The following SEMA7A variants were observed in gnomAD, a reference collection of about 807,000 sequenced individuals.
The protein encoded by SEMA7A is semaphorin 7A (JohnMiltonHagen blood group).
SEMA7A carries 21 observed loss-of-function variants against 67.5 expected under a neutral mutation model. The ratio of observed to expected loss-of-function variants is 0.31; its 90% CI spans 0.22 to 0.45. The LOEUF is 0.45. SEMA7A is among the 20% of genes least tolerant of loss of function. The probability of loss-of-function intolerance (pLI) is 1.00; values close to 1 mark genes in which losing one functional copy is unlikely to be tolerated. For synonymous variants in SEMA7A, 364 were observed against 368.5 expected (o/e 0.99, Z 0.14); for missense variants, 774 against 908.6 (o/e 0.85, Z 1.90).
Position 74,417,421 on chromosome 15 carries a change from C to G in SEMA7A, c.575G>C (p.Arg192Pro), listed in dbSNP as rs778351405. 6.2e-7 allele frequency: 1 copy of G among 1,613,986 alleles called. No homozygotes were observed. Among genetic ancestry groups the G allele is most frequent in the Non-Finnish European group, 8.5e-7 (1 of 1,179,998 alleles). The change falls in exon 6 of 14, where the codon CGG becomes CCG. Residue 192 changes from arginine to proline, a missense_variant. This residue lies in a region of SEMA7A where 347 missense variants were observed against 353.2 expected (regional missense o/e 0.98). Coordinates refer to ENST00000261918, the MANE Select transcript of SEMA7A (RefSeq NM_003612.5). ...FEGDEVYSTI[R>P]KQEYNGKIPR... ...GATCTTCCCATTGTATTCCTGCTTC[C>G]GGATGGTGGAATACACCTCGTCCCC...
chr15:74,416,492 G>T, intron 7 of SEMA7A, 83 bp downstream of exon 7: 1 of 1,445,122 alleles, frequency 6.9e-7, no homozygotes, highest in Non-Finnish European at 9.5e-7. Context: ...ACTTCTACAT[G>T]CACACGGACA....
Position 74,411,239 on chromosome 15 carries a change from G to A in SEMA7A, c.1639+56C>T, listed in dbSNP as rs1291277313. 2 of 1,561,828 alleles carry A rather than the reference G, an allele frequency of 1.3e-6. No homozygotes were observed. Among genetic ancestry groups the A allele is most frequent in the Non-Finnish European group, 1.8e-6 (2 of 1,139,258 alleles). Reference sequence around the variant, plus strand: ...TCTCCCTCAGACCAGGACAATCAGGGCAGGGCAGTACCCCACTCATTGGGC... The same window carrying A: ...TCTCCCTCAGACCAGGACAATCAGGACAGGGCAGTACCCCACTCATTGGGC... On this transcript the variant is annotated intron_variant, in intron 13 of 13. Coordinates refer to ENST00000261918, the MANE Select transcript of SEMA7A (RefSeq NM_003612.5). This position sits in a 1 kb window ranked among gnomAD's most constrained non-coding sequence, Gnocchi z 4.4.
chr15:74,418,021 G>A lies in SEMA7A; in HGVS notation c.373-52C>T, dbSNP rs761252533. ...GAGAAATTGGTTGCTGGAAGGCCCT[G>A]GCAAGCCTAGCACTAGGACCCCCAG... On this transcript the variant is annotated intron_variant, in intron 3 of 13. Transcript: ENST00000261918. 3.8e-6 allele frequency: 6 copies of A among 1,581,964 alleles called. No homozygotes were observed. In the East Asian group the frequency reaches 1.1e-4, roughly 29 times the overall value.
In SEMA7A at chr15:74,417,582, C is replaced by T. The variant is rs768214730; in HGVS notation, c.550+9G>A. ...TCCCCCTGGGGCGCCTGCTCCAGCA[C>T]TGCCCTACCTTCAAACAGAACCAGG... On this transcript the variant is annotated intron_variant, in intron 5 of 13. Coordinates refer to ENST00000261918, the MANE Select transcript of SEMA7A (RefSeq NM_003612.5). 1 of 1,611,182 alleles carries T rather than the reference C, an allele frequency of 6.2e-7. No homozygotes were observed. Among genetic ancestry groups the T allele is most frequent in the South Asian group, 1.1e-5 (1 of 90,870 alleles).
At chr15:74,431,126 T>G (rs913983694) in intron 1 of SEMA7A, among the ~76,000 whole-genome samples, 1 of 152,180 alleles carries the variant, frequency 6.6e-6, no homozygotes, top group African/African-American at 2.4e-5. Flanking sequence ...TCACCTGCAA[T>G]CTACTCCCTT....
chr15:74,417,063 G>C (rs2141277060), intron 6 of SEMA7A, among the ~76,000 whole-genome samples: 1 of 152,244 alleles, frequency 6.6e-6, no homozygotes, highest in African/African-American at 2.4e-5. Flanking sequence ...ACTCAGCAGA[G>C]GATAAACTTT....
chr15:74,428,929 C>G (rs12903353), intron 1 of SEMA7A, among the ~76,000 whole-genome samples: 48,136 of 152,194 alleles, frequency 0.32, 10,292 homozygotes, highest in Non-Finnish European at 0.49. Flanking sequence ...CAGGGCCCAA[C>G]AAGGTGCCGT....
At chr15:74,422,602 T>C (rs2061009303) in intron 1 of SEMA7A, among the ~76,000 whole-genome samples, 2 of 152,202 alleles carry the variant, frequency 1.3e-5, no homozygotes, top group South Asian at 2.1e-4. Context: ...AAGGCCCAGC[T>C]CCGGCCAGAT....
At chr15:74,427,438 C>A (rs2061052530) in intron 1 of SEMA7A, 1 of 953,600 alleles carries the variant, frequency 1.0e-6, no homozygotes. Flanking sequence ...GGCCAGAGCT[C>A]CTGCCTCAGC....
At chr15:74,427,141 T>C (rs1268304246) in intron 1 of SEMA7A, 2 of 882,950 alleles carry the variant, frequency 2.3e-6, no homozygotes, top group Non-Finnish European at 1.4e-6. Flanking sequence ...CAGCCCTCAC[T>C]GCCCGTACCT....
chr15:74,414,845 G>A lies in SEMA7A; in HGVS notation c.1088C>T (p.Pro363Leu). ...GYHSSLPNPR[P>L]GKCLPDQQPI... The stretch of plus-strand genomic sequence containing the variant: ...GGCTGGTGTCACGCTCACCTTGCCA[G>A]GCCGCGGGTTGGGAAGGCTTGAGTG... Residue 363 changes from proline to leucine, a missense_variant, in exon 9 of 14, where the codon CCT becomes CTT. Pro to Leu is a moderately conservative substitution (Grantham distance 98). Coordinates refer to ENST00000261918, the MANE Select transcript of SEMA7A (RefSeq NM_003612.5). This position sits in a 1 kb window ranked among gnomAD's most constrained non-coding sequence, Gnocchi z 4.1. 2 of 1,614,214 alleles carry A rather than the reference G, an allele frequency of 1.2e-6. No individual in the cohort carries two copies. The highest frequency in any genetic ancestry group is 1.7e-6 in the Non-Finnish European group (2 of 1,180,026).
chr15:74,423,338 C>T lies in SEMA7A; in HGVS notation c.179-4386G>A. On this transcript the variant is annotated intron_variant, in intron 1 of 13. Transcript: ENST00000261918. The surrounding 1 kb of genome is among the most constrained non-coding windows in gnomAD (Gnocchi z 4.1). ...CTGCAGCCTCTCCACCCTTTGGAATCCCACATCCACATGTCAAGGTGGAAG... is the reference window on the plus strand; with the variant it reads ...CTGCAGCCTCTCCACCCTTTGGAATTCCACATCCACATGTCAAGGTGGAAG... 6.6e-6 allele frequency among the ~76,000 whole-genome samples: 1 copy of T among 152,204 alleles called. No homozygotes were observed. The highest frequency in any genetic ancestry group is 1.5e-5 in the Non-Finnish European group (1 of 68,048).
intron 2 of SEMA7A, among the ~76,000 whole-genome samples, 169 bp from the exon 3 acceptor site, chr15:74,418,478 G>A (rs1300519572): frequency 6.6e-6 from 1 of 152,174 alleles, no homozygotes; most frequent in Non-Finnish European, 1.5e-5. Context: ...GGTCAAACAG[G>A]GTCTCATATC....
In SEMA7A at chr15:74,414,691, G is replaced by A; in HGVS notation, c.1150C>T (p.His384Tyr). Reference protein sequence around the residue: ...PTETFQVADRHPEVAQRVEPM... With the variant: ...PTETFQVADRYPEVAQRVEPM... ...TCCACCCTCTGCGCCACCTCTGGGTGACGGTCAGCCACCTGGAAGGTCTCT... is the reference window on the plus strand; with the variant it reads ...TCCACCCTCTGCGCCACCTCTGGGTAACGGTCAGCCACCTGGAAGGTCTCT... Residue 384 changes from histidine to tyrosine, a missense_variant, in exon 10 of 14, where the codon CAC (histidine) becomes TAC (tyrosine). This residue lies in a region of SEMA7A where 427 missense variants were observed against 555.4 expected (regional missense o/e 0.77). Transcript: ENST00000261918. This position sits in a 1 kb window ranked among gnomAD's most constrained non-coding sequence, Gnocchi z 4.1. 1 of 1,614,156 alleles carries A rather than the reference G, an allele frequency of 6.2e-7. No homozygotes were observed. The highest frequency in any genetic ancestry group is 8.5e-7 in the Non-Finnish European group (1 of 1,180,034).
rs141790734 is a variant in SEMA7A, at chr15:74,424,754, G to C, written c.179-5802C>G. Among the ~76,000 whole-genome samples the C allele has an allele frequency of 9.2e-5, 14 of 152,296 alleles. No individual in the cohort carries two copies. In the East Asian group the frequency reaches 2.7e-3, roughly 29 times the overall value. Reference sequence around the variant, plus strand: ...CTGGCACTGAGGCCCAGCTGGAGTGGGTAAGATGCCCTGAGCCCACGCCCA... The same window carrying C: ...CTGGCACTGAGGCCCAGCTGGAGTGCGTAAGATGCCCTGAGCCCACGCCCA... On this transcript the variant is annotated intron_variant, in intron 1 of 13. Transcript: ENST00000261918.
chr15:74,418,051 A>G (rs2060967586), intron 3 of SEMA7A, 82 bp from the exon 4 acceptor site: 3 of 1,486,866 alleles, frequency 2.0e-6, no homozygotes, highest in Admixed American at 1.7e-5. Flanking sequence ...CCCCAGGATC[A>G]GGGAAGAAGG....
rs772921848 is a variant in SEMA7A at position 74,417,608 on chromosome 15, G to A, written c.533C>T (p.Ser178Phe). 1 of 1,612,916 alleles carries A rather than the reference G, an allele frequency of 6.2e-7. No homozygotes were observed. Among genetic ancestry groups the A allele is most frequent in the Non-Finnish European group, 8.5e-7 (1 of 1,179,900 alleles). ...TGCCCTACCTTCAAACAGAACCAGGGAGTTCTCGTCCGGGCTGAAGGGGGC... is the reference window on the plus strand; with the variant it reads ...TGCCCTACCTTCAAACAGAACCAGGAAGTTCTCGTCCGGGCTGAAGGGGGC... ...GYAPFSPDENSLVLFEGDEVY... is the reference protein window; with the variant it reads ...GYAPFSPDENFLVLFEGDEVY... Residue 178 changes from serine (S) to phenylalanine (F), a missense_variant, in exon 5 of 14, where the codon TCC (serine) becomes TTC (phenylalanine). Physicochemically the swap from Ser to Phe is radical, Grantham distance 155. Transcript: ENST00000261918.
chr15:74,417,802 C>T (rs2060964889), intron 4 of SEMA7A, 75 bp downstream of exon 4: 2 of 1,573,812 alleles, frequency 1.3e-6, no homozygotes, highest in South Asian at 2.2e-5. Flanking sequence ...TCGCCATCTC[C>T]TTCCCACCAT....
At position 74,411,748 on chromosome 15, in the gene SEMA7A, A is replaced by C; in HGVS notation, c.1423-38T>G. On this transcript the variant is annotated intron_variant, in intron 11 of 13. Coordinates refer to ENST00000261918, the MANE Select transcript of SEMA7A (RefSeq NM_003612.5). The surrounding 1 kb of genome is among the most constrained non-coding windows in gnomAD (Gnocchi z 4.4). ...CAGGATTGGGTCAGGCCCGGGCCCC[A>C]CCCCACACTCAGTCCTAAATGTCCA... is the stretch of plus-strand genomic sequence containing the variant. 1 of 1,608,562 alleles carries C rather than the reference A, an allele frequency of 6.2e-7. No homozygotes were observed.
Sources: allele counts gnomAD v4.1 joint callset (sites outside exome capture counted in the v4.1 genomes callset), GRCh38; gene constraint gnomAD v4.1.1; regional missense constraint gnomAD v4.1.1; non-coding constraint Gnocchi (gnomAD v3.1); transcripts MANE v1.5; gene names NCBI Gene and HGNC (gene_info 2026-07-23, HGNC 2026-07-21).